Variants in PRDM2 observed in about 807,000 individuals in gnomAD.
PRDM2 encodes PR/SET domain 2, also known as PR domain zinc finger protein 2.
In PRDM2, 30 loss-of-function variants were observed where a neutral mutation model predicts 130.0. The ratio of observed to expected loss-of-function variants is 0.23; its 90% CI spans 0.17 to 0.31. The LOEUF is 0.31. Ranked by LOEUF, PRDM2 falls within the 10% of genes least tolerant of loss-of-function variation. PRDM2 has a pLI of 1.00. For missense variants in PRDM2, 2,011 were observed against 2,108.4 expected, an observed-to-expected ratio of 0.95 and a Z score of 0.90; for synonymous variants, 871 against 782.4, an observed-to-expected ratio of 1.11 and a Z score of -1.89.
intron 1 of PRDM2, chr1:13,705,306 T>G (rs1209012435): frequency 1.4e-5 from 2 of 145,232 alleles, no homozygotes; most frequent in Non-Finnish European, 3.2e-5. Flanking sequence ...TCAAGAACAT[T>G]AGTAACATTT....
At chr1:13,776,220 A>G (rs978027577) in intron 7 of PRDM2, among the ~76,000 whole-genome samples, 2 of 152,094 alleles carry the variant, frequency 1.3e-5, no homozygotes, top group Non-Finnish European at 2.9e-5. Context: ...GGATCGTGAC[A>G]GTCTTGTTTA....
chr1:13,713,405 T>G (rs1188272801), intron 1 of PRDM2, among the ~76,000 whole-genome samples: 1 of 152,114 alleles, frequency 6.6e-6, no homozygotes, highest in Non-Finnish European at 1.5e-5. Context: ...TATCTTAAGC[T>G]CTTGTTAATT....
intron 6 of PRDM2, among the ~76,000 whole-genome samples, chr1:13,758,336 A>G (rs982485879): frequency 6.6e-6 from 1 of 150,970 alleles, no homozygotes; most frequent in African/African-American, 2.4e-5. Flanking sequence ...AATACTAGCT[A>G]CTCGGGAGGC....
chr1:13,703,496 T>G (rs1267629645), intron 1 of PRDM2, among the ~76,000 whole-genome samples: 3 of 152,262 alleles, frequency 2.0e-5, no homozygotes, highest in Non-Finnish European at 4.4e-5. Context: ...AGCCAAGAAG[T>G]GGACTTCAGG....
chr1:13,747,880 C>G (rs974493610), intron 5 of PRDM2, among the ~76,000 whole-genome samples: 2 of 152,004 alleles, frequency 1.3e-5, no homozygotes, highest in Non-Finnish European at 2.9e-5. Flanking sequence ...ATTTTACTAG[C>G]TAATATGTAC....
chr1:13,775,726 C>T (rs990024648), intron 7 of PRDM2, among the ~76,000 whole-genome samples: 2 of 152,174 alleles, frequency 1.3e-5, no homozygotes, highest in Admixed American at 1.3e-4. Context: ...TAGCAGGCCT[C>T]TCAGATCGTG....
At chr1:13,746,531 TA>T (rs1643612480) in intron 5 of PRDM2, among the ~76,000 whole-genome samples, 1 of 54,410 alleles carries the variant, frequency 1.8e-5, no homozygotes, top group Admixed American at 2.8e-4. Flanking sequence ...TACTTGTTTT[TA>T]TTTATTTATT....
At chr1:13,809,041 G>C (rs1450556153) in intron 8 of PRDM2, among the ~76,000 whole-genome samples, 1 of 152,224 alleles carries the variant, frequency 6.6e-6, no homozygotes, top group Non-Finnish European at 1.5e-5. Context: ...GGCCTCTCTG[G>C]GTGAATCTAG....
chr1:13,772,188 A>T (rs1423951154), intron 6 of PRDM2: 1 of 152,222 alleles, frequency 6.6e-6, no homozygotes, highest in South Asian at 2.1e-4. Flanking sequence ...AGACTGAAAC[A>T]CCAGCTTCCA....
chr1:13,767,631 T>G (rs1644259375), intron 6 of PRDM2, among the ~76,000 whole-genome samples: 1 of 152,130 alleles, frequency 6.6e-6, no homozygotes. Context: ...GCAACTTTTT[T>G]CACTTGCACT....
intron 9 of PRDM2, among the ~76,000 whole-genome samples, chr1:13,818,031 T>C (rs1645285120): frequency 6.6e-6 from 1 of 152,148 alleles, no homozygotes. Context: ...AGGACAGATG[T>C]TGAATACGGG....
chr1:13,762,277 C>T (rs968567787), intron 6 of PRDM2, among the ~76,000 whole-genome samples: 7 of 152,252 alleles, frequency 4.6e-5, no homozygotes, highest in African/African-American at 1.4e-4. Flanking sequence ...CCAAGGGCTG[C>T]GCAGCAGTGT....
intron 6 of PRDM2, among the ~76,000 whole-genome samples, chr1:13,767,521 G>A (rs928148652): frequency 4.6e-5 from 7 of 150,750 alleles, no homozygotes; most frequent in Non-Finnish European, 8.9e-5. Flanking sequence ...GCCAAGGCTG[G>A]TCTTGAGCCC....
rs2100630652 is a variant in PRDM2, at chr1:13,771,931, C to G, written c.512-1147C>G. ...TTTTCAATGATGCTATTTTATGTCT[C>G]TGACCTCATTTTTGTCTGTTTACAT... On this transcript the variant is annotated intron_variant, in intron 6 of 9. Transcript: ENST00000311066. This position sits in a 1 kb window ranked among gnomAD's most constrained non-coding sequence, Gnocchi z 4.1. 1 of 152,268 alleles carries G rather than the reference C, an allele frequency of 6.6e-6. No individual in the cohort carries two copies. Among genetic ancestry groups the G allele is most frequent in the East Asian group, 1.9e-4 (1 of 5,186 alleles). The allele number at this position is 152,268 out of a possible 1,614,324, so 9.4% of individuals were successfully genotyped here.
chr1:13,732,260 CTTAG>C (rs1643134793), intron 3 of PRDM2, among the ~76,000 whole-genome samples: 2 of 152,268 alleles, frequency 1.3e-5, no homozygotes, highest in South Asian at 2.1e-4. Context: ...TTTCAGGAAG[CTTAG>C]TTAGGCAGGA....
intron 2 of PRDM2, 24 bp downstream of exon 2, chr1:13,715,638 T>A (rs1340167731): frequency 1.3e-6 from 2 of 1,584,556 alleles, no homozygotes; most frequent in Non-Finnish European, 1.7e-6. Flanking sequence ...TCAGAATTTA[T>A]ACAAATACAT....
chr1:13,811,411 C>T (rs959867463), intron 8 of PRDM2, among the ~76,000 whole-genome samples: 1 of 152,164 alleles, frequency 6.6e-6, no homozygotes, highest in Admixed American at 6.5e-5. Context: ...GGGGCATCCC[C>T]TTGTAACTGG....
Position 13,780,509 on chromosome 1 carries a change from A to G in PRDM2, c.2714A>G (p.Asn905Ser). Residue 905 changes from asparagine to serine, a missense_variant, in exon 8 of 10, where the codon AAC becomes AGC. Transcript: ENST00000311066. ...AATGGCATCGATTTACCTGTAGAAA[A>G]CCCTGCAGATGGGACCAGGAGCCCA... is the stretch of plus-strand genomic sequence containing the variant. The part of the protein sequence containing the change: ...EYNGIDLPVE[N>S]PADGTRSPSP... The G allele has an allele frequency of 6.2e-7, 1 of 1,613,980 alleles. No homozygotes were observed. The highest frequency in any genetic ancestry group is 1.7e-5 in the Admixed American group (1 of 60,004).
rs1645086156 is a variant in PRDM2, at chr1:13,806,304, T to C, written c.5037-10123T>C. On this transcript the variant is annotated intron_variant, in intron 8 of 9. Transcript: ENST00000311066. This position sits in a 1 kb window ranked among gnomAD's most constrained non-coding sequence, Gnocchi z 4.1. Reference sequence around the variant, plus strand: ...CCCTGGGCTCTGTCCCCTCGCTCCGTCTCCGCTCCCCCTTGGTGATCTCAT... The same window carrying C: ...CCCTGGGCTCTGTCCCCTCGCTCCGCCTCCGCTCCCCCTTGGTGATCTCAT... 6.6e-6 allele frequency among the ~76,000 whole-genome samples: 1 copy of C among 151,876 alleles called. No homozygotes were observed. The highest frequency in any genetic ancestry group is 1.5e-5 in the Non-Finnish European group (1 of 67,990).
Sources: allele counts gnomAD v4.1 joint callset (sites outside exome capture counted in the v4.1 genomes callset), GRCh38; gene constraint gnomAD v4.1.1; non-coding constraint Gnocchi (gnomAD v3.1); transcripts MANE v1.5; gene names NCBI Gene and HGNC (gene_info 2026-07-23, HGNC 2026-07-21).